Variants in RIPK1 observed in about 807,000 individuals in gnomAD.
RIPK1 encodes the protein receptor-interacting serine/threonine-protein kinase 1.
A neutral mutation model predicts 62.4 loss-of-function variants in RIPK1; 27 were observed. The observed-to-expected ratio is 0.43, with a 90% CI of 0.32 to 0.60. The LOEUF is 0.60. RIPK1 is among the 20% of genes least tolerant of loss of function. RIPK1 has a pLI of 0.07. For synonymous variants in RIPK1, 287 were observed against 303.2 expected, an observed-to-expected ratio of 0.95 and a Z score of 0.55; for missense variants, 735 against 831.0, an observed-to-expected ratio of 0.88 and a Z score of 1.42.
intron 1 of RIPK1, among the ~76,000 whole-genome samples, chr6:3,070,258 G>A (rs1436803161): frequency 6.6e-6 from 1 of 152,092 alleles, no homozygotes; most frequent in Non-Finnish European, 1.5e-5. Context: ...TTTCAAACTG[G>A]GCAGCTTACT....
At chr6:3,096,151 A>C (rs1760278858) in intron 7 of RIPK1, among the ~76,000 whole-genome samples, 2 of 152,142 alleles carry the variant, frequency 1.3e-5, no homozygotes, top group Admixed American at 6.6e-5. Flanking sequence ...CTTTCTCTGA[A>C]ATAATATGCA....
At chr6:3,090,740 C>T (rs557588787) in intron 7 of RIPK1, among the ~76,000 whole-genome samples, 6 of 152,076 alleles carry the variant, frequency 3.9e-5, no homozygotes, top group Non-Finnish European at 5.9e-5. Context: ...ACACAGGATA[C>T]GCTGCACCTA....
intron 10 of RIPK1, among the ~76,000 whole-genome samples, chr6:3,112,163 TA>T (rs67293446): frequency 0.044 from 6,688 of 152,138 alleles, 289 homozygotes; most frequent in African/African-American, 0.1. Flanking sequence ...AAGGAGGGGT[TA>T]GGGTCCAAAA....
At chr6:3,094,817 C>T (rs1211755342) in intron 7 of RIPK1, among the ~76,000 whole-genome samples, 1 of 151,988 alleles carries the variant, frequency 6.6e-6, no homozygotes, top group African/African-American at 2.4e-5. Context: ...ATCCCAGTTA[C>T]TTGGGTGGCT....
At chr6:3,083,949 T>C (rs557727861) in intron 5 of RIPK1, among the ~76,000 whole-genome samples, 2 of 152,156 alleles carry the variant, frequency 1.3e-5, no homozygotes, top group South Asian at 4.1e-4. Flanking sequence ...GCTTCACCCC[T>C]CTTCATATGC....
At chr6:3,089,006 G>A (rs367926777) in intron 6 of RIPK1, among the ~76,000 whole-genome samples, 114 of 152,260 alleles carry the variant, frequency 7.5e-4, no homozygotes, top group African/African-American at 2.4e-3. Flanking sequence ...ATCTGATCCC[G>A]AGGTTTCCTG....
rs1758510887 is a variant in RIPK1 at position 3,068,661 on chromosome 6, G to A, written c.-61G>A. 4.1e-6 allele frequency: 4 copies of A among 985,320 alleles called. No homozygotes were observed. The highest frequency in any genetic ancestry group is 4.8e-6 in the Non-Finnish European group (4 of 829,936). The allele number at this position is 985,320 out of a possible 1,614,324, so 61.0% of individuals were successfully genotyped here. On this transcript the variant is annotated splice_region_variant and 5_prime_UTR_variant, in exon 1 of 11. Transcript: ENST00000259808. ...ACGGCGCGGCCACGGAGAAGGGCGC[G>A]GTGAGCGGACTGGCACCGCGCGGGG... is the stretch of plus-strand genomic sequence containing the variant.
At chr6:3,079,483 C>T (rs994013376) in intron 3 of RIPK1, among the ~76,000 whole-genome samples, 2 of 152,046 alleles carry the variant, frequency 1.3e-5, no homozygotes, top group Non-Finnish European at 2.9e-5. Flanking sequence ...GACATGTAGA[C>T]GTTTTGAAGC....
chr6:3,098,123 C>T (rs1024295775), intron 7 of RIPK1, among the ~76,000 whole-genome samples: 1 of 151,650 alleles, frequency 6.6e-6, no homozygotes, highest in African/African-American at 2.4e-5. Flanking sequence ...TGCTTGGGCC[C>T]AGGAGGCTGC....
chr6:3,085,906 A>G (rs1759663553), intron 6 of RIPK1, among the ~76,000 whole-genome samples: 1 of 152,194 alleles, frequency 6.6e-6, no homozygotes, highest in African/African-American at 2.4e-5. Flanking sequence ...TCTGTGTTGT[A>G]GCATATGTCA....
chr6:3,075,744 C>T (rs1759015207), intron 1 of RIPK1, among the ~76,000 whole-genome samples: 1 of 152,088 alleles, frequency 6.6e-6, no homozygotes, highest in Non-Finnish European at 1.5e-5. Context: ...AGCCTGTGAC[C>T]ACTTCCTGTG....
intron 7 of RIPK1, among the ~76,000 whole-genome samples, chr6:3,095,442 T>G (rs1214887511): frequency 1.3e-5 from 2 of 152,224 alleles, no homozygotes; most frequent in African/African-American, 4.8e-5. Flanking sequence ...CTCTTCCAGA[T>G]TCACTTTGTG....
At chr6:3,078,983 G>A (rs1405450246) in intron 3 of RIPK1, among the ~76,000 whole-genome samples, 1 of 151,896 alleles carries the variant, frequency 6.6e-6, no homozygotes, top group African/African-American at 2.4e-5. Context: ...CACAATCATA[G>A]TGCACTGCAG....
chr6:3,085,498 G>A, intron 6 of RIPK1, 90 bp downstream of exon 6: 1 of 1,383,040 alleles, frequency 7.2e-7, no homozygotes, highest in South Asian at 1.3e-5. Flanking sequence ...TGAATCCTCA[G>A]AAAACTGAGT....
upstream of RIPK1, among the ~76,000 whole-genome samples, chr6:3,067,183 G>A (rs1211977018): frequency 6.8e-6 from 1 of 147,860 alleles, no homozygotes; most frequent in Non-Finnish European, 1.5e-5. Flanking sequence ...TCAAGTTTTG[G>A]CAATTATGAA....
upstream of RIPK1, among the ~76,000 whole-genome samples, chr6:3,066,944 C>T (rs78375839): frequency 0.016 from 2,359 of 151,900 alleles, 27 homozygotes; most frequent in Non-Finnish European, 0.024. Context: ...TTACTATCTC[C>T]GTAGTTTTTC....
At chr6:3,077,027 G>A (rs377100911) in intron 2 of RIPK1, 40 bp downstream of exon 2, 127 of 1,550,708 alleles carry the variant, frequency 8.2e-5, no homozygotes, top group Admixed American at 9.4e-5. Flanking sequence ...AGTTCTGAGC[G>A]GGATGGGGAC....
intron 3 of RIPK1, among the ~76,000 whole-genome samples, 158 bp from the exon 4 acceptor site, chr6:3,080,821 T>C (rs1306505343): frequency 2.0e-5 from 3 of 150,280 alleles, no homozygotes; most frequent in Non-Finnish European, 4.4e-5. Context: ...ATGAAATCTT[T>C]CTTGTTTCCC....
At chr6:3,090,849 C>T (rs1177131912) in intron 7 of RIPK1, among the ~76,000 whole-genome samples, 2 of 105,970 alleles carry the variant, frequency 1.9e-5, no homozygotes, top group Admixed American at 8.2e-5. Context: ...ACCTAGTAAC[C>T]GCAGAGTACC....
Sources: allele counts gnomAD v4.1 joint callset (sites outside exome capture counted in the v4.1 genomes callset), GRCh38; gene constraint gnomAD v4.1.1; transcripts MANE v1.5; gene names NCBI Gene and HGNC (gene_info 2026-07-23, HGNC 2026-07-21).